LUC7L2: variants seen among roughly 807,000 people sequenced by gnomAD.
LUC7L2 encodes the protein LUC7 like 2, pre-mRNA splicing factor, also known as putative RNA-binding protein Luc7-like 2.
LUC7L2 carries 25 observed loss-of-function variants against 52.8 expected under a neutral mutation model. The observed-to-expected ratio is 0.47, with a 90% CI of 0.34 to 0.66. The LOEUF (loss-of-function observed/expected upper bound fraction) is 0.66. Among genes scored for constraint, LUC7L2 ranks in the 30% least tolerant of loss-of-function variants. The probability of loss-of-function intolerance (pLI) is 0.01; values close to 1 mark genes in which losing one functional copy is unlikely to be tolerated. For missense variants in LUC7L2, 328 were observed against 497.8 expected, an observed-to-expected ratio of 0.66 and a Z score of 3.25; for synonymous variants, 144 against 160.9, an observed-to-expected ratio of 0.89 and a Z score of 0.80.
At chr7:139,366,149 G>A (rs1800142841) in intron 1 of LUC7L2, among the ~76,000 whole-genome samples, 1 of 152,168 alleles carries the variant, frequency 6.6e-6, no homozygotes, top group African/African-American at 2.4e-5. Flanking sequence ...TTTGCTATTA[G>A]CATAGAAAAG....
At chr7:139,392,424 C>T (rs1194456654) in intron 2 of LUC7L2, 3 of 384,862 alleles carry the variant, frequency 7.8e-6, no homozygotes, top group Non-Finnish European at 1.0e-5. Context: ...ACTTTGTTAC[C>T]TTTGTTAGTA....
intron 7 of LUC7L2, among the ~76,000 whole-genome samples, chr7:139,411,643 C>T (rs1298718374): frequency 2.0e-5 from 3 of 152,158 alleles, no homozygotes; most frequent in African/African-American, 7.2e-5. Context: ...ATAATAATCC[C>T]TGTGGTGTCC....
Position 139,422,380 on chromosome 7 carries a change from G to T in LUC7L2, c.*40G>T. ...TTCTTCAGTCCTTAAGCTTCCTACG[G>T]AGTTACGTACTATTGTTTAGTTCAC... On this transcript the variant is annotated 3_prime_UTR_variant, in exon 10 of 10. Coordinates refer to ENST00000354926, the MANE Select transcript of LUC7L2 (RefSeq NM_016019.5). The T allele has an allele frequency of 6.3e-7, 1 of 1,575,274 alleles. No individual in the cohort carries two copies. The highest frequency in any genetic ancestry group is 1.2e-5 in the South Asian group (1 of 83,800).
chr7:139,385,332 TTTTTTA>T, intron 2 of LUC7L2, among the ~76,000 whole-genome samples: 2 of 96,240 alleles, frequency 2.1e-5, no homozygotes, highest in Admixed American at 1.9e-4. Context: ...TTTTTTTTTT[TTTTTTA>T]AAGAAACAGG....
At chr7:139,419,767 A>C (rs1454293981) in intron 9 of LUC7L2, among the ~76,000 whole-genome samples, 2 of 152,226 alleles carry the variant, frequency 1.3e-5, no homozygotes, top group African/African-American at 4.8e-5. Flanking sequence ...ATCATATCTA[A>C]GATGTCAGCA....
chr7:139,406,615 A>C (rs1306278526), intron 5 of LUC7L2, among the ~76,000 whole-genome samples: 1 of 151,894 alleles, frequency 6.6e-6, no homozygotes, highest in Non-Finnish European at 1.5e-5. Context: ...CAGCCTCCCA[A>C]AGTGCTGGGA....
intron 1 of LUC7L2, among the ~76,000 whole-genome samples, chr7:139,371,693 G>T (rs1800459717): frequency 6.6e-6 from 1 of 152,160 alleles, no homozygotes; most frequent in Non-Finnish European, 1.5e-5. Context: ...CAGGACCATA[G>T]AATGGCAGTG....
chr7:139,417,454 A>T, intron 8 of LUC7L2, 84 bp from the exon 9 acceptor site: 4 of 1,513,758 alleles, frequency 2.6e-6, no homozygotes, highest in Non-Finnish European at 3.5e-6. Flanking sequence ...ACTGAAAAAA[A>T]GTTTCTCTTT....
At chr7:139,419,128 AAC>A (rs1472114062) in intron 9 of LUC7L2, among the ~76,000 whole-genome samples, 6 of 117,174 alleles carry the variant, frequency 5.1e-5, no homozygotes, top group Non-Finnish European at 9.5e-5. Context: ...AAAAAAAACA[AAC>A]AAAAAAAAAA....
chr7:139,363,040 G>A (rs1339499263), intron 1 of LUC7L2: 3 of 161,306 alleles, frequency 1.9e-5, no homozygotes, highest in Non-Finnish European at 3.9e-5. Context: ...TGGAAGTTGG[G>A]GGCTTTAGAC....
intron 2 of LUC7L2, among the ~76,000 whole-genome samples, chr7:139,390,095 G>C (rs1374039816): frequency 6.6e-6 from 1 of 152,174 alleles, no homozygotes; most frequent in African/African-American, 2.4e-5. Context: ...CAAGGCCGCA[G>C]TGAGCTATGA....
upstream of LUC7L2, among the ~76,000 whole-genome samples, chr7:139,357,234 A>C (rs1003572337): frequency 6.6e-5 from 10 of 152,188 alleles, no homozygotes; most frequent in African/African-American, 2.4e-4. Context: ...AAAAACATGA[A>C]ATAGATGAGA....
intron 1 of LUC7L2, among the ~76,000 whole-genome samples, chr7:139,347,860 C>G (rs1284847962): frequency 6.6e-6 from 1 of 151,992 alleles, no homozygotes; most frequent in African/African-American, 2.4e-5. Context: ...GCCACCACAC[C>G]CGGCTCATTT....
chr7:139,394,115 CA>C (rs1435854529), intron 2 of LUC7L2, among the ~76,000 whole-genome samples: 1 of 152,098 alleles, frequency 6.6e-6, no homozygotes, highest in Admixed American at 6.6e-5. Context: ...GGAGTCCAAG[CA>C]AAAGAGATAA....
chr7:139,350,920 C>T (rs77060056), intron 1 of LUC7L2, among the ~76,000 whole-genome samples: 24,513 of 152,038 alleles, frequency 0.16, 2,447 homozygotes, highest in Non-Finnish European at 0.21. Flanking sequence ...GTGATTTGCC[C>T]GCCTTGGCCT....
intron 1 of LUC7L2, chr7:139,341,173 A>G (rs1294786657): frequency 1.4e-6 from 1 of 735,314 alleles, no homozygotes; most frequent in Non-Finnish European, 2.0e-6. Flanking sequence ...ACCTTCAGTT[A>G]ACAGTCGGGT....
intron 1 of LUC7L2, among the ~76,000 whole-genome samples, chr7:139,363,718 A>C (rs1799995075): frequency 6.6e-6 from 1 of 152,150 alleles, no homozygotes; most frequent in Non-Finnish European, 1.5e-5. Context: ...TTCTATTTGA[A>C]AGCAGGGAGG....
intron 1 of LUC7L2, among the ~76,000 whole-genome samples, chr7:139,348,808 C>T (rs1265022145): frequency 1.3e-5 from 2 of 152,038 alleles, no homozygotes; most frequent in South Asian, 4.1e-4. Context: ...GCTTTTTCCT[C>T]CTTATATTAA....
chr7:139,360,143 A>C lies in LUC7L2; in HGVS notation c.-119A>C. ...TCCGGCTCCCTTTCCGCACGCCTCGAGGCGGCGGCGGCCACCGAGACAGCA... is the reference window on the plus strand; with the variant it reads ...TCCGGCTCCCTTTCCGCACGCCTCGCGGCGGCGGCGGCCACCGAGACAGCA... On this transcript the variant is annotated 5_prime_UTR_variant, in exon 1 of 10. Transcript: ENST00000354926. 2 of 665,926 alleles carry C rather than the reference A, an allele frequency of 3.0e-6. No individual in the cohort carries two copies. Among genetic ancestry groups the C allele is most frequent in the South Asian group, 1.9e-5 (1 of 53,682 alleles). 41.3% of individuals were successfully genotyped at this position (665,926 alleles called of 1,614,324 possible).
Sources: gnomAD v4.1 joint callset for allele counts (sites outside exome capture counted in the v4.1 genomes callset) on GRCh38, gnomAD v4.1.1 for gene constraint, MANE v1.5 for transcripts, NCBI Gene and HGNC (gene_info 2026-07-23, HGNC 2026-07-21) for gene names.